LYPLAL1: variants seen among roughly 807,000 people sequenced by gnomAD.
The protein encoded by LYPLAL1 is lysophospholipase like 1.
A neutral mutation model predicts 19.7 loss-of-function variants in LYPLAL1; 23 were observed. The observed-to-expected ratio is 1.17, with a 90% CI of 0.84 to 1.65. The LOEUF (loss-of-function observed/expected upper bound fraction) is 1.65, where lower values mean the gene tolerates loss of function less well. Ranked by LOEUF, LYPLAL1 falls within the 40% of genes most tolerant of loss-of-function variation. LYPLAL1 has a pLI of 0.00. For synonymous variants in LYPLAL1, 119 were observed against 96.3 expected (o/e 1.24, Z -1.38); for missense variants, 355 against 279.4 (o/e 1.27, Z -1.93).
At chr1:219,268,907 C>T in the LYPLAL1 span, among the ~76,000 whole-genome samples, 3 of 152,166 alleles carry the variant, frequency 2.0e-5, no homozygotes, top group African/African-American at 7.2e-5. Context: ...TGCTCATGGG[C>T]CTTAGTAGCA....
At chr1:219,426,494 G>C in the LYPLAL1 span, among the ~76,000 whole-genome samples, 19 of 152,136 alleles carry the variant, frequency 1.2e-4, no homozygotes, top group African/African-American at 3.4e-4. Flanking sequence ...CAGGATTATT[G>C]ATATTAGAGG....
chr1:219,251,316 T>C, the LYPLAL1 span, among the ~76,000 whole-genome samples: 11 of 152,026 alleles, frequency 7.2e-5, no homozygotes, highest in South Asian at 6.2e-4. Context: ...TCAATTTTTG[T>C]TTTCATTGCA....
At chr1:219,258,098 T>G in the LYPLAL1 span, among the ~76,000 whole-genome samples, 1 of 152,106 alleles carries the variant, frequency 6.6e-6, no homozygotes, top group Non-Finnish European at 1.5e-5. Context: ...AGTCAGACCT[T>G]ATGGTTGTCT....
At chr1:219,299,931 C>A in the LYPLAL1 span, among the ~76,000 whole-genome samples, 1 of 152,104 alleles carries the variant, frequency 6.6e-6, no homozygotes, top group African/African-American at 2.4e-5. Context: ...CGGAAGCAGC[C>A]AATGTGGGAC....
the LYPLAL1 span, among the ~76,000 whole-genome samples, chr1:219,444,755 G>T: frequency 6.9e-4 from 105 of 152,286 alleles, 1 homozygote; most frequent in East Asian, 0.02. Flanking sequence ...GAGCAGGAGA[G>T]TCTTTGATGA....
chr1:219,348,894 T>C, the LYPLAL1 span, among the ~76,000 whole-genome samples: 1 of 152,242 alleles, frequency 6.6e-6, no homozygotes, highest in Non-Finnish European at 1.5e-5. Flanking sequence ...AGAATTTACA[T>C]ATCTTGGTGA....
chr1:219,333,197 G>A, the LYPLAL1 span, among the ~76,000 whole-genome samples: 4 of 151,982 alleles, frequency 2.6e-5, no homozygotes, highest in Admixed American at 6.6e-5. Context: ...TGACTAACTA[G>A]CAATCTTTAT....
At chr1:219,435,333 A>G in the LYPLAL1 span, 1 of 152,320 alleles carries the variant, frequency 6.6e-6, no homozygotes, top group East Asian at 1.9e-4. Flanking sequence ...CATCTTCAGC[A>G]TGCTGAAACT....
the LYPLAL1 span, among the ~76,000 whole-genome samples, chr1:219,305,270 G>A: frequency 6.6e-6 from 1 of 152,160 alleles, no homozygotes. Context: ...AACATGGGTA[G>A]TTAACCCATC....
At chr1:219,411,989 G>A in the LYPLAL1 span, 4 of 152,786 alleles carry the variant, frequency 2.6e-5, no homozygotes, top group Admixed American at 2.0e-4. Context: ...CAAATGGAAT[G>A]TGCTTAGGAG....
At chr1:219,228,349 G>C in the LYPLAL1 span, among the ~76,000 whole-genome samples, 1 of 152,054 alleles carries the variant, frequency 6.6e-6, no homozygotes, top group Non-Finnish European at 1.5e-5. Context: ...ATGGAGAGCA[G>C]ATACCCGAAT....
At chr1:219,403,135 C>T in the LYPLAL1 span, among the ~76,000 whole-genome samples, 7 of 152,272 alleles carry the variant, frequency 4.6e-5, no homozygotes, top group Admixed American at 3.3e-4. Context: ...TCAGAAAGAC[C>T]TGGAAAGCAA....
chr1:219,357,410 AAG>A, the LYPLAL1 span, among the ~76,000 whole-genome samples: 42 of 152,336 alleles, frequency 2.8e-4, no homozygotes, highest in African/African-American at 8.7e-4. Flanking sequence ...AAAAAAACAA[AAG>A]AAATATATGG....
chr1:219,425,841 G>A, the LYPLAL1 span, among the ~76,000 whole-genome samples: 2 of 152,112 alleles, frequency 1.3e-5, no homozygotes, highest in Non-Finnish European at 2.9e-5. Flanking sequence ...ATGGTGGATT[G>A]CCTAAATTCA....
At chr1:219,232,025 A>G in the LYPLAL1 span, among the ~76,000 whole-genome samples, 2 of 152,220 alleles carry the variant, frequency 1.3e-5, no homozygotes, top group East Asian at 1.9e-4. Flanking sequence ...TTGAAATTAT[A>G]TATGTTTCTG....
the LYPLAL1 span, among the ~76,000 whole-genome samples, chr1:219,321,070 G>A: frequency 1.5e-4 from 23 of 152,138 alleles, no homozygotes; most frequent in Admixed American, 2.6e-4. Flanking sequence ...GTGTAAAAGC[G>A]TTCCTATTTC....
At chr1:219,189,207 T>C (rs774272192) in intron 2 of LYPLAL1, among the ~76,000 whole-genome samples, 13 of 151,716 alleles carry the variant, frequency 8.6e-5, no homozygotes, top group Non-Finnish European at 1.6e-4. Context: ...CATTTTAGCC[T>C]ATGATATCAT....
chr1:219,258,363 G>A, the LYPLAL1 span, among the ~76,000 whole-genome samples: 2 of 152,018 alleles, frequency 1.3e-5, no homozygotes, highest in African/African-American at 2.4e-5. Flanking sequence ...AATTATAAGA[G>A]TATTGTTAGG....
At chr1:219,296,520 T>C in the LYPLAL1 span, among the ~76,000 whole-genome samples, 2 of 152,058 alleles carry the variant, frequency 1.3e-5, no homozygotes, top group East Asian at 3.9e-4. Context: ...GAATTATCCA[T>C]CAACCAGGCA....
Sources: allele counts gnomAD v4.1 joint callset (sites outside exome capture counted in the v4.1 genomes callset), GRCh38; gene constraint gnomAD v4.1.1; transcripts MANE v1.5; gene names NCBI Gene and HGNC (gene_info 2026-07-23, HGNC 2026-07-21).